FBXO25: variants seen among roughly 807,000 people sequenced by gnomAD.
FBXO25 encodes F-box only protein 25.
FBXO25 carries 45 observed loss-of-function variants against 51.9 expected under a neutral mutation model. The ratio of observed to expected loss-of-function variants is 0.87; its 90% confidence interval spans 0.68 to 1.11. The LOEUF is 1.11. Among genes scored for constraint, FBXO25 ranks in the 50% most tolerant of loss-of-function variants. FBXO25 has a pLI of 0.00. For missense variants in FBXO25, 507 were observed against 428.5 expected, an observed-to-expected ratio of 1.18 and a Z score of -1.62; for synonymous variants, 199 against 151.0, an observed-to-expected ratio of 1.32 and a Z score of -2.33.
In FBXO25 at chr8:475,144, G is replaced by C; in HGVS notation, c.*6340G>C. ...ATTTTAATTTTTATATATGGTGTGA[G>C]GTAGATCTAGCTTCATGTGGATGTC... On this transcript the variant is annotated 3_prime_UTR_variant, in exon 10 of 10. Coordinates refer to ENST00000350302, the MANE Select transcript of FBXO25 (RefSeq NM_183420.2). 5.6e-6 allele frequency: 2 copies of C among 354,554 alleles called. No individual in the cohort carries two copies. The highest frequency in any genetic ancestry group is 1.1e-5 in the Non-Finnish European group (2 of 184,300). The allele number at this position is 354,554 out of a possible 1,614,324, so 22.0% of individuals were successfully genotyped here. A position where few individuals can be genotyped will look rare whatever the true frequency, so the allele number is the denominator to read the frequency against.
chr8:473,999 T>A lies in FBXO25; in HGVS notation c.*5195T>A, dbSNP rs1162270902. 2.0e-5 allele frequency: 3 copies of A among 152,336 alleles called. No individual in the cohort carries two copies. In the East Asian group the frequency reaches 5.8e-4, roughly 29 times the overall value. 9.4% of individuals were successfully genotyped at this position (152,336 alleles called of 1,614,324 possible). The stretch of plus-strand genomic sequence containing the variant: ...AAGTGTGCAATTTAGTGGCATTAAA[T>A]ACATTCATACTGTGCAACCTTCTCT... On this transcript the variant is annotated 3_prime_UTR_variant, in exon 10 of 10. Coordinates refer to ENST00000350302, the MANE Select transcript of FBXO25 (RefSeq NM_183420.2).
chr8:458,860 C>T (rs1323412567), intron 8 of FBXO25, among the ~76,000 whole-genome samples: 2 of 152,178 alleles, frequency 1.3e-5, no homozygotes, highest in Non-Finnish European at 2.9e-5. Context: ...GCCTTTTCTC[C>T]TGATTTGATG....
intron 6 of FBXO25, 29 bp from the exon 7 acceptor site, chr8:451,240 A>T (rs772156149): frequency 1.3e-6 from 2 of 1,572,834 alleles, no homozygotes; most frequent in Non-Finnish European, 8.6e-7. Context: ...AACTGTATCA[A>T]TCCATAGTTT....
chr8:433,513 T>C (rs1017758056), intron 4 of FBXO25, among the ~76,000 whole-genome samples: 2 of 152,022 alleles, frequency 1.3e-5, no homozygotes, highest in South Asian at 2.1e-4. Context: ...AGTAATTGGG[T>C]TGGGTTTGTG....
chr8:450,056 A>G lies in FBXO25; in HGVS notation c.448A>G (p.Asn150Asp), dbSNP rs764111651. 2 of 1,613,118 alleles carry G rather than the reference A, an allele frequency of 1.2e-6. No individual in the cohort carries two copies. Residue 150 changes from asparagine (N) to aspartate (D), a missense_variant, in exon 6 of 10, where the codon AAC becomes GAC. Transcript: ENST00000350302. Reference protein sequence around the residue: ...LSGVAQKNYFNILDKIVQKVL... With the variant: ...LSGVAQKNYFDILDKIVQKVL... The stretch of plus-strand genomic sequence containing the variant: ...TGGCGTGGCACAGAAGAATTACTTC[A>G]ACATTTTGGATAAAATCGTTCAAAA...
At chr8:467,334 C>CT (rs1800235645) in intron 9 of FBXO25, among the ~76,000 whole-genome samples, 1 of 152,190 alleles carries the variant, frequency 6.6e-6, no homozygotes, top group African/African-American at 2.4e-5. Context: ...GAACAAAGAA[C>CT]TTTCCCCAAA....
At chr8:411,893 T>G (rs1397155746) in intron 1 of FBXO25, among the ~76,000 whole-genome samples, 1 of 152,198 alleles carries the variant, frequency 6.6e-6, no homozygotes, top group African/African-American at 2.4e-5. Context: ...GAATCACCTG[T>G]GGACCTTTAA....
intron 2 of FBXO25, among the ~76,000 whole-genome samples, chr8:423,096 C>CATGACGTGAGGAACAAA (rs1469858581): frequency 8.6e-5 from 13 of 151,682 alleles, no homozygotes; most frequent in African/African-American, 1.9e-4. Flanking sequence ...CCCTTCCCTG[C>CATGACGTGAGGAACAAA]TGTGTTGAGA....
At chr8:420,152 A>G (rs1036324032) in intron 2 of FBXO25, among the ~76,000 whole-genome samples, 2 of 152,276 alleles carry the variant, frequency 1.3e-5, no homozygotes, top group Admixed American at 1.3e-4. Context: ...AGCTAGAGAT[A>G]TAACAGTATG....
At chr8:407,380 C>A (rs1354986984) in intron 1 of FBXO25, 9 of 980,916 alleles carry the variant, frequency 9.2e-6, no homozygotes, top group Non-Finnish European at 1.1e-5. Context: ...TCCGCGGGCG[C>A]GTCAGGTAGG....
chr8:456,841 C>T (rs73669393), intron 7 of FBXO25, among the ~76,000 whole-genome samples: 5,979 of 152,202 alleles, frequency 0.039, 332 homozygotes, highest in African/African-American at 0.12. Flanking sequence ...TCTGAAGTCC[C>T]AGGAAGGTGC....
At position 473,172 on chromosome 8, in the gene FBXO25, G is replaced by C. The variant is rs1800536976; in HGVS notation, c.*4368G>C. On this transcript the variant is annotated 3_prime_UTR_variant, in exon 10 of 10. Coordinates refer to ENST00000350302, the MANE Select transcript of FBXO25 (RefSeq NM_183420.2). ...CTTCCTGTTGTTTCTGCATAGAGGA[G>C]GCAGACCCTCAACTTTGGAAAGCAG... is the stretch of plus-strand genomic sequence containing the variant. 1 of 152,346 alleles carries C rather than the reference G, an allele frequency of 6.6e-6. No homozygotes were observed. The highest frequency in any genetic ancestry group is 2.4e-5 in the African/African-American group (1 of 41,464). The allele number at this position is 152,346 out of a possible 1,614,324, so 9.4% of individuals were successfully genotyped here. A position where few individuals can be genotyped will look rare whatever the true frequency, so the allele number is the denominator to read the frequency against.
At chr8:462,695 C>T (rs1178034116) in intron 8 of FBXO25, among the ~76,000 whole-genome samples, 2 of 152,046 alleles carry the variant, frequency 1.3e-5, no homozygotes, top group Admixed American at 6.5e-5. Flanking sequence ...AGGTAAGCCA[C>T]GGGTACACAA....
intron 2 of FBXO25, among the ~76,000 whole-genome samples, chr8:424,960 T>G (rs1253936569): frequency 1.3e-5 from 2 of 152,214 alleles, no homozygotes; most frequent in African/African-American, 2.4e-5. Flanking sequence ...GGAATAGCAT[T>G]AAATTTAATA....
At chr8:407,460 A>G in intron 1 of FBXO25, 12 of 979,456 alleles carry the variant, frequency 1.2e-5, no homozygotes, top group Non-Finnish European at 1.5e-5. Context: ...TCATTCAGGG[A>G]GCTGCGGGCG....
chr8:439,533 G>C (rs537739304), intron 5 of FBXO25, among the ~76,000 whole-genome samples: 19 of 152,340 alleles, frequency 1.2e-4, no homozygotes, highest in Admixed American at 1.2e-3. Context: ...CACATCCAGT[G>C]TCACATACTT....
Position 469,577 on chromosome 8 carries a change from A to G in FBXO25, c.*773A>G, listed in dbSNP as rs762781089. 3.9e-5 allele frequency: 6 copies of G among 152,242 alleles called. No individual in the cohort carries two copies. Among genetic ancestry groups the G allele is most frequent in the Non-Finnish European group, 8.8e-5 (6 of 68,042 alleles). 9.4% of individuals were successfully genotyped at this position (152,242 alleles called of 1,614,324 possible). On this transcript the variant is annotated 3_prime_UTR_variant, in exon 10 of 10. Coordinates refer to ENST00000350302, the MANE Select transcript of FBXO25 (RefSeq NM_183420.2). ...TAAATCATGTTTATCTATTGATTTA[A>G]ACTTCATCAGTTTTGCATCCTACTG...
intron 1 of FBXO25, among the ~76,000 whole-genome samples, chr8:412,642 C>T (rs1335315300): frequency 2.0e-5 from 3 of 152,228 alleles, no homozygotes; most frequent in Non-Finnish European, 4.4e-5. Context: ...AATTCTGGCC[C>T]ACTCTCTCTC....
At chr8:416,961 C>T (rs1274339428) in intron 2 of FBXO25, among the ~76,000 whole-genome samples, 1 of 152,106 alleles carries the variant, frequency 6.6e-6, no homozygotes, top group East Asian at 1.9e-4. Flanking sequence ...AGAGTGGCCT[C>T]TAAGAAGCAA....
Sources: allele counts gnomAD v4.1 joint callset (sites outside exome capture counted in the v4.1 genomes callset), GRCh38; gene constraint gnomAD v4.1.1; transcripts MANE v1.5; gene names NCBI Gene and HGNC (gene_info 2026-07-23, HGNC 2026-07-21).